LAMP3: variants seen among roughly 807,000 people sequenced by gnomAD.
LAMP3 encodes the protein lysosome associated membrane protein 3, also known as lysosome-associated membrane glycoprotein 3.
LAMP3 carries 26 observed loss-of-function variants against 34.8 expected under a neutral mutation model. The observed-to-expected ratio is 0.75, with a 90% CI of 0.55 to 1.04. The LOEUF (loss-of-function observed/expected upper bound fraction) is 1.04. Among genes scored for constraint, LAMP3 ranks in the 50% least tolerant of loss-of-function variants. LAMP3 has a pLI of 0.00. For missense variants in LAMP3, 495 were observed against 524.0 expected (o/e 0.94, Z 0.54); for synonymous variants, 180 against 201.9 (o/e 0.89, Z 0.92).
chr3:183,152,311 C>T lies in LAMP3; in HGVS notation c.888+64G>A, dbSNP rs1720661728. On this transcript the variant is annotated intron_variant, in intron 3 of 5. Transcript: ENST00000265598. ...GAAGTGTGGGGTTGCACCACCTGGC[C>T]CCAGGATGAGGGAGAGGGAAAGCTG... 6 of 1,501,842 alleles carry T rather than the reference C, an allele frequency of 4.0e-6. No individual in the cohort carries two copies. The South Asian group carries it at 5.4e-5, about 14-fold the overall frequency. The allele number at this position is 1,501,842 out of a possible 1,614,324, so 93.0% of individuals were successfully genotyped here. A position where few individuals can be genotyped will look rare whatever the true frequency, so the allele number is the denominator to read the frequency against.
chr3:183,153,948 G>T lies in LAMP3; in HGVS notation c.493C>A (p.Gln165Lys), dbSNP rs758758344. 2 of 1,614,212 alleles carry T rather than the reference G, an allele frequency of 1.2e-6. No individual in the cohort carries two copies. Among genetic ancestry groups the T allele is most frequent in the South Asian group, 2.2e-5 (2 of 91,088 alleles). ...TTGNTTQPSN[Q>K]TTLPATLSIA... is the part of the protein sequence containing the mutation. ...GATAAAGTTGCTGGAAGGGTGGTCT[G>T]GTTACTGGGTTGAGTGGTGTTCCCA... is the stretch of plus-strand genomic sequence containing the variant. Residue 165 changes from glutamine to lysine, a missense_variant, in exon 2 of 6, where the codon CAG becomes AAG. Transcript: ENST00000265598.
chr3:183,139,120 TG>T (rs1720191944), intron 4 of LAMP3, among the ~76,000 whole-genome samples: 1 of 152,182 alleles, frequency 6.6e-6, no homozygotes, highest in Non-Finnish European at 1.5e-5. Context: ...CCAGGTGCAG[TG>T]GTTCACACCT....
At chr3:183,126,569 C>T (rs1416727636) in intron 5 of LAMP3, among the ~76,000 whole-genome samples, 5 of 149,028 alleles carry the variant, frequency 3.4e-5, no homozygotes, top group Admixed American at 6.6e-5. Context: ...TGTGTGCACA[C>T]GTGTGCATGT....
upstream of LAMP3, chr3:183,162,778 G>T: frequency 3.3e-6 from 3 of 902,824 alleles, no homozygotes; most frequent in Non-Finnish European, 4.8e-6. Flanking sequence ...CAGCCGAAAA[G>T]CCCGCCCAGG....
At chr3:183,149,928 ATAAC>A (rs1720578635) in intron 3 of LAMP3, among the ~76,000 whole-genome samples, 1 of 152,186 alleles carries the variant, frequency 6.6e-6, no homozygotes, top group South Asian at 2.1e-4. Context: ...AGTTCCTGGG[ATAAC>A]TAAGGCCAGT....
At chr3:183,152,350 T>C (rs1576885429) in intron 3 of LAMP3, 25 bp downstream of exon 3, 1 of 1,578,766 alleles carries the variant, frequency 6.3e-7, no homozygotes, top group Non-Finnish European at 8.6e-7. Flanking sequence ...CAGATGCAGT[T>C]TGTGCAAAGG....
rs9855872 is a variant in LAMP3, at chr3:183,133,348, T to C, written c.1117+2369A>G. Among the ~76,000 whole-genome samples the C allele has an allele frequency of 6.0e-3, 919 of 152,272 alleles. 6 individuals are homozygous for C. The highest frequency in any genetic ancestry group is 0.021 in the African/African-American group (886 of 41,550). ...CAAACTAGAGTAATTCCCGGAGCCA[T>C]ATTCTCCAACTCTAGTAATAGTTTG... On this transcript the variant is annotated intron_variant, in intron 5 of 5. Transcript: ENST00000265598.
chr3:183,135,732 C>A lies in LAMP3; in HGVS notation c.1102G>T (p.Asp368Tyr), dbSNP rs911108060. ...VQLQAFDFED[D>Y]HFGNVDECSS... is the part of the protein sequence containing the mutation. ...CTTAACTTACCATTTCCAAAGTGGT[C>A]ATCTTCAAAATCAAAGGCTTGAAGT... Residue 368 changes from aspartate (D) to tyrosine (Y), a missense_variant, in exon 5 of 6, where the codon GAC becomes TAC. Transcript: ENST00000265598. 6.2e-7 allele frequency: 1 copy of A among 1,614,138 alleles called. No homozygotes were observed. The highest frequency in any genetic ancestry group is 1.1e-5 in the South Asian group (1 of 91,050).
intron 1 of LAMP3, among the ~76,000 whole-genome samples, chr3:183,156,007 T>C (rs767390678): frequency 4.6e-5 from 7 of 152,306 alleles, no homozygotes; most frequent in Non-Finnish European, 1.0e-4. Flanking sequence ...CTTTTCCAAC[T>C]AGAACAGGTC....
chr3:183,157,536 A>G (rs1183038171), intron 1 of LAMP3, among the ~76,000 whole-genome samples: 1 of 152,180 alleles, frequency 6.6e-6, no homozygotes, highest in African/African-American at 2.4e-5. Flanking sequence ...AAGAGAATTC[A>G]CTCTCAACTG....
At chr3:183,135,571 C>CTG (rs1720057084) in intron 5 of LAMP3, 146 bp downstream of exon 5, 1 of 782,794 alleles carries the variant, frequency 1.3e-6, no homozygotes. Context: ...CCAGAGGAGC[C>CTG]TGGCCCTGTG....
intron 2 of LAMP3, 78 bp from the exon 3 acceptor site, chr3:183,152,581 T>C (rs1253171378): frequency 1.3e-5 from 17 of 1,343,056 alleles, no homozygotes; most frequent in East Asian, 2.5e-5. Flanking sequence ...ACAGGCTAGT[T>C]TGTGAGCCTG....
intron 1 of LAMP3, among the ~76,000 whole-genome samples, chr3:183,154,863 A>G (rs1720779658): frequency 6.6e-6 from 1 of 152,228 alleles, no homozygotes; most frequent in South Asian, 2.1e-4. Context: ...TCACAGAATC[A>G]TATAATCCCA....
chr3:183,141,968 A>T (rs891635672), intron 3 of LAMP3, among the ~76,000 whole-genome samples: 10 of 152,040 alleles, frequency 6.6e-5, no homozygotes, highest in Non-Finnish European at 1.0e-4. Context: ...TACCCACTCC[A>T]TGCCAGGGAT....
intron 5 of LAMP3, among the ~76,000 whole-genome samples, chr3:183,134,626 ACTGT>A (rs1720028952): frequency 6.6e-6 from 1 of 151,866 alleles, no homozygotes. Flanking sequence ...TTCTCATATG[ACTGT>A]GGGACTCCGA....
chr3:183,136,441 C>T (rs988268429), intron 4 of LAMP3, among the ~76,000 whole-genome samples: 4 of 152,106 alleles, frequency 2.6e-5, no homozygotes, highest in African/African-American at 7.2e-5. Flanking sequence ...CACCTGAGGT[C>T]GGGAGTTCGA....
At chr3:183,135,064 C>G (rs994401048) in intron 5 of LAMP3, among the ~76,000 whole-genome samples, 10 of 152,230 alleles carry the variant, frequency 6.6e-5, no homozygotes, top group Non-Finnish European at 1.5e-4. Context: ...TCACCCTGGT[C>G]TGCTCTTGGC....
chr3:183,134,091 A>G (rs1720008913), intron 5 of LAMP3, among the ~76,000 whole-genome samples: 1 of 152,178 alleles, frequency 6.6e-6, no homozygotes, highest in African/African-American at 2.4e-5. Context: ...TATTTACAGA[A>G]TGACATACCT....
intron 5 of LAMP3, chr3:183,132,081 C>T: frequency 2.0e-6 from 2 of 985,308 alleles, no homozygotes; most frequent in Non-Finnish European, 2.4e-6. Context: ...AATAAAATAA[C>T]ATCAAAGAAA....
Sources: allele counts gnomAD v4.1 joint callset (sites outside exome capture counted in the v4.1 genomes callset), GRCh38; gene constraint gnomAD v4.1.1; transcripts MANE v1.5; gene names NCBI Gene and HGNC (gene_info 2026-07-23, HGNC 2026-07-21).